ACTL6A: variants seen among roughly 807,000 people sequenced by gnomAD.
ACTL6A encodes the protein actin like 6A, also known as actin-like protein 6A.
ACTL6A carries 5 observed loss-of-function variants against 59.2 expected under a neutral mutation model. That is an observed-to-expected ratio of 0.08 (90% CI 0.04 to 0.18). The LOEUF is 0.18. Ranked by LOEUF, ACTL6A falls within the 10% of genes least tolerant of loss-of-function variation. The probability of loss-of-function intolerance (pLI) is 1.00; values close to 1 mark genes in which losing one functional copy is unlikely to be tolerated. For synonymous variants in ACTL6A, 154 were observed against 171.8 expected, an observed-to-expected ratio of 0.90 and a Z score of 0.81; for missense variants, 285 against 526.9, an observed-to-expected ratio of 0.54 and a Z score of 4.49.
chr3:179,586,983 C>CTGCA (rs1718514984), intron 13 of ACTL6A, among the ~76,000 whole-genome samples: 1 of 152,104 alleles, frequency 6.6e-6, no homozygotes, highest in African/African-American at 2.4e-5. Flanking sequence ...ATTCCCCAGT[C>CTGCA]TGCAGTGAGA....
chr3:179,568,298 A>G (rs1717900159), intron 1 of ACTL6A, among the ~76,000 whole-genome samples: 2 of 152,148 alleles, frequency 1.3e-5, no homozygotes, highest in Non-Finnish European at 2.9e-5. Context: ...TATTAAAAAT[A>G]TGTAAGTTTG....
intron 12 of ACTL6A, 136 bp from the exon 13 acceptor site, chr3:179,586,410 A>T: frequency 1.7e-6 from 1 of 593,702 alleles, no homozygotes; most frequent in Non-Finnish European, 2.6e-6. Context: ...CGATTGCTTG[A>T]GTGCAAATGT....
chr3:179,571,854 C>T (rs772677761), intron 3 of ACTL6A, among the ~76,000 whole-genome samples: 4 of 151,660 alleles, frequency 2.6e-5, no homozygotes, highest in African/African-American at 4.8e-5. Flanking sequence ...GTAGGTATAG[C>T]GAGCTACCCT....
At position 179,562,967 on chromosome 3, in the gene ACTL6A, G is replaced by C; in HGVS notation, c.-126G>C. 7.7e-7 allele frequency: 1 copy of C among 1,302,144 alleles called. No individual in the cohort carries two copies. The allele number at this position is 1,302,144 out of a possible 1,614,324, so 80.7% of individuals were successfully genotyped here. ...CGGGGTGTGTGGACGCCGCTTTGTT[G>C]CCTGAGGTGGGTGGCGGTGGAAGTT... On this transcript the variant is annotated 5_prime_UTR_variant, in exon 1 of 14. Coordinates refer to ENST00000429709, the MANE Select transcript of ACTL6A (RefSeq NM_004301.5).
intron 1 of ACTL6A, among the ~76,000 whole-genome samples, chr3:179,567,223 G>C (rs889752257): frequency 2.6e-5 from 4 of 152,048 alleles, no homozygotes; most frequent in Non-Finnish European, 5.9e-5. Context: ...AAACCTAGCC[G>C]GGCTTGGTGG....
At chr3:179,569,981 A>G in intron 2 of ACTL6A, 81 bp downstream of exon 2, 1 of 1,570,286 alleles carries the variant, frequency 6.4e-7, no homozygotes, top group African/African-American at 1.4e-5. Flanking sequence ...GATTCAAAAC[A>G]AAATATAATA....
At chr3:179,583,249 A>G (rs2108369534) in intron 11 of ACTL6A, 104 bp from the exon 12 acceptor site, 1 of 882,184 alleles carries the variant, frequency 1.1e-6, no homozygotes, top group East Asian at 2.5e-5. Context: ...TTTCCAAAAA[A>G]CGAAAGGGAA....
intron 12 of ACTL6A, among the ~76,000 whole-genome samples, chr3:179,584,813 T>TC (rs1467113372): frequency 3.3e-5 from 5 of 151,898 alleles, no homozygotes; most frequent in African/African-American, 1.2e-4. Flanking sequence ...CAACAAAACT[T>TC]CAAGTGCTTT....
chr3:179,567,107 T>G (rs1457540318), intron 1 of ACTL6A, among the ~76,000 whole-genome samples: 1 of 152,204 alleles, frequency 6.6e-6, no homozygotes, highest in Non-Finnish European at 1.5e-5. Context: ...AGCTCACGTC[T>G]ATAATCCTAG....
intron 1 of ACTL6A, 24 bp downstream of exon 1, chr3:179,563,141 A>G (rs1406315649): frequency 6.2e-7 from 1 of 1,609,254 alleles, no homozygotes; most frequent in African/African-American, 1.3e-5. Flanking sequence ...GCCGGACGAG[A>G]GAGCGCGCCT....
rs948873301 is a variant in ACTL6A at position 179,570,731 on chromosome 3, C to T, written c.277+490C>T. On this transcript the variant is annotated intron_variant, in intron 3 of 13. Coordinates refer to ENST00000429709, the MANE Select transcript of ACTL6A (RefSeq NM_004301.5). This position sits in a 1 kb window ranked among gnomAD's most constrained non-coding sequence, Gnocchi z 4.3. The stretch of plus-strand genomic sequence containing the variant: ...GTAATACAATTAAGTATGGTTGCAG[C>T]ATTGGGCTTATTAGGGTCAGTAGCA... Among the ~76,000 whole-genome samples, 6 of 152,126 alleles carry T rather than the reference C, an allele frequency of 3.9e-5. No individual in the cohort carries two copies. The highest frequency in any genetic ancestry group is 1.4e-4 in the African/African-American group (6 of 41,434).
At chr3:179,567,298 G>A (rs1717865823) in intron 1 of ACTL6A, among the ~76,000 whole-genome samples, 1 of 152,184 alleles carries the variant, frequency 6.6e-6, no homozygotes, top group Admixed American at 6.5e-5. Context: ...CCCCGGAGGT[G>A]GAGGTTGCAA....
At chr3:179,569,159 A>G (rs1032560389) in intron 1 of ACTL6A, among the ~76,000 whole-genome samples, 5 of 152,192 alleles carry the variant, frequency 3.3e-5, no homozygotes, top group Admixed American at 6.5e-5. Flanking sequence ...AGCCTGGTTC[A>G]TTCACCTCAG....
chr3:179,578,071 G>A (rs1191183106), intron 8 of ACTL6A, among the ~76,000 whole-genome samples: 2 of 152,216 alleles, frequency 1.3e-5, no homozygotes, highest in Non-Finnish European at 2.9e-5. Context: ...TGTAATTTGA[G>A]AGGCTGAGGT....
rs1718163487 is a variant in ACTL6A at position 179,576,291 on chromosome 3, A to G, written c.551A>G (p.Asp184Gly). ...ATHTTAIPVH[D>G]GYVLQQGIVK... ...CATACCACTGCAATTCCAGTCCACGATGGCTATGTCCTTCAACAAGGTAAA... is the reference window on the plus strand; with the variant it reads ...CATACCACTGCAATTCCAGTCCACGGTGGCTATGTCCTTCAACAAGGTAAA... The change falls in exon 6 of 14, where the codon GAT (aspartate) becomes GGT (glycine). Residue 184 changes from aspartate to glycine, a missense_variant. Transcript: ENST00000429709. 6.2e-7 allele frequency: 1 copy of G among 1,604,420 alleles called. No individual in the cohort carries two copies.
In ACTL6A at chr3:179,570,519, A is replaced by G. The variant is rs746862235; in HGVS notation, c.277+278A>G. On this transcript the variant is annotated intron_variant, in intron 3 of 13. Coordinates refer to ENST00000429709, the MANE Select transcript of ACTL6A (RefSeq NM_004301.5). This position sits in a 1 kb window ranked among gnomAD's most constrained non-coding sequence, Gnocchi z 4.3. ...ACAATATAGGTATGTGCAATGAGCAATGGGATTAGAGAGGAGAGGTATTTG... is the reference window on the plus strand; with the variant it reads ...ACAATATAGGTATGTGCAATGAGCAGTGGGATTAGAGAGGAGAGGTATTTG... 5.4e-5 allele frequency: 13 copies of G among 242,728 alleles called. No individual in the cohort carries two copies. Among genetic ancestry groups the G allele is most frequent in the Admixed American group, 1.5e-4 (3 of 19,468 alleles). 15.0% of individuals were successfully genotyped at this position (242,728 alleles called of 1,614,324 possible). A position where few individuals can be genotyped will look rare whatever the true frequency, so the allele number is the denominator to read the frequency against.
intron 1 of ACTL6A, among the ~76,000 whole-genome samples, chr3:179,568,190 AAAAG>A (rs1479491894): frequency 1.1e-4 from 16 of 151,940 alleles, no homozygotes; most frequent in African/African-American, 3.9e-4. Context: ...AAAAAAAAAA[AAAAG>A]AGATCATTCT....
intron 1 of ACTL6A, among the ~76,000 whole-genome samples, chr3:179,563,335 C>G (rs1455954734): frequency 6.6e-6 from 1 of 152,240 alleles, no homozygotes; most frequent in South Asian, 2.1e-4. Context: ...TCTCTGTGGC[C>G]TCTTCCTGCC....
At position 179,562,995 on chromosome 3, in the gene ACTL6A, G is replaced by A. The variant is rs1717707927; in HGVS notation, c.-98G>A. On this transcript the variant is annotated 5_prime_UTR_variant, in exon 1 of 14. Coordinates refer to ENST00000429709, the MANE Select transcript of ACTL6A (RefSeq NM_004301.5). ...TGAGGTGGGTGGCGGTGGAAGTTAA[G>A]GGAGTCAGGGGCTATCGCTCCTCGA... is the stretch of plus-strand genomic sequence containing the variant. 1.2e-5 allele frequency: 18 copies of A among 1,509,250 alleles called. No homozygotes were observed. Among genetic ancestry groups the A allele is most frequent in the Middle Eastern group, 1.7e-4 (1 of 5,936 alleles). The allele number at this position is 1,509,250 out of a possible 1,614,324, so 93.5% of individuals were successfully genotyped here.
Sources: gnomAD v4.1 joint callset for allele counts (sites outside exome capture counted in the v4.1 genomes callset) on GRCh38, gnomAD v4.1.1 for gene constraint, Gnocchi (gnomAD v3.1) non-coding constraint, MANE v1.5 for transcripts, NCBI Gene and HGNC (gene_info 2026-07-23, HGNC 2026-07-21) for gene names.